Variants in PCDH15 observed in about 807,000 individuals in gnomAD.
PCDH15 encodes protocadherin related 15.
In PCDH15, 129 loss-of-function variants were observed where a neutral mutation model predicts 178.5. The observed-to-expected ratio is 0.72, with a 90% CI of 0.63 to 0.84. PCDH15 has a LOEUF of 0.84. Ranked by LOEUF, PCDH15 falls within the 40% of genes least tolerant of loss-of-function variation. The pLI, the probability that PCDH15 is intolerant of heterozygous loss-of-function variation, is 0.00. For missense variants in PCDH15, 2,230 were observed against 2,099.9 expected (o/e 1.06, Z -1.21); for synonymous variants, 800 against 732.0 (o/e 1.09, Z -1.50).
intron 1 of PCDH15, among the ~76,000 whole-genome samples, chr10:55,265,163 T>A (rs1305502910): frequency 1.3e-5 from 2 of 151,968 alleles, no homozygotes; most frequent in African/African-American, 2.4e-5. Flanking sequence ...CTCCAACAGA[T>A]GCCCAGTAAA....
intron 1 of PCDH15, among the ~76,000 whole-genome samples, chr10:55,179,885 G>A (rs956911975): frequency 2.0e-5 from 3 of 151,978 alleles, no homozygotes; most frequent in Non-Finnish European, 4.4e-5. Flanking sequence ...AACTACGGGA[G>A]TGAAAAACCT....
intron 3 of PCDH15, among the ~76,000 whole-genome samples, chr10:54,854,704 C>T (rs1953705354): frequency 6.6e-6 from 1 of 152,142 alleles, no homozygotes; most frequent in Non-Finnish European, 1.5e-5. Flanking sequence ...CTGCCCAGCT[C>T]TGGCTGATCC....
chr10:55,415,476 G>T (rs1442569377), intron 2 of PCDH15, among the ~76,000 whole-genome samples: 1 of 151,606 alleles, frequency 6.6e-6, no homozygotes, highest in Non-Finnish European at 1.5e-5. Flanking sequence ...GAGATAAAAG[G>T]ACGTTTTACA....
chr10:54,544,223 A>G (rs2085582225), intron 2 of PCDH15, among the ~76,000 whole-genome samples: 1 of 152,192 alleles, frequency 6.6e-6, no homozygotes, highest in African/African-American at 2.4e-5. Context: ...GCATATGTAC[A>G]AATGAATTAC....
intron 3 of PCDH15, among the ~76,000 whole-genome samples, chr10:54,855,752 A>G (rs960091751): frequency 1.3e-5 from 2 of 152,234 alleles, no homozygotes; most frequent in African/African-American, 4.8e-5. Context: ...GGCCCAGAAC[A>G]TTAATGTGAA....
chr10:54,157,661 G>T (rs1258852731), intron 13 of PCDH15, among the ~76,000 whole-genome samples: 1 of 152,180 alleles, frequency 6.6e-6, no homozygotes, highest in Non-Finnish European at 1.5e-5. Context: ...ATTTTTGCAG[G>T]TGGCTTTAAC....
chr10:54,256,582 GGATCA>G (rs559305166), intron 8 of PCDH15, among the ~76,000 whole-genome samples: 2 of 151,998 alleles, frequency 1.3e-5, no homozygotes, highest in Non-Finnish European at 2.9e-5. Flanking sequence ...TCTGTTTTTT[GGATCA>G]ATTTGACTTT....
chr10:54,358,475 C>G (rs1945413523), intron 5 of PCDH15, among the ~76,000 whole-genome samples: 1 of 152,150 alleles, frequency 6.6e-6, no homozygotes, highest in Non-Finnish European at 1.5e-5. Flanking sequence ...CCATCTCACA[C>G]AAGTTAGAAT....
At chr10:55,104,114 A>C (rs910894333) in intron 2 of PCDH15, among the ~76,000 whole-genome samples, 27 of 152,128 alleles carry the variant, frequency 1.8e-4, no homozygotes, top group African/African-American at 6.5e-4. Flanking sequence ...CGTTTGCATA[A>C]AACAGTAGAA....
chr10:54,754,324 G>C (rs1946769826), intron 1 of PCDH15, among the ~76,000 whole-genome samples: 1 of 152,054 alleles, frequency 6.6e-6, no homozygotes. Flanking sequence ...ATGAATTGGT[G>C]CTATTCCTGG....
chr10:53,888,291 C>CATATAT lies in PCDH15; in HGVS notation c.3501+14946_3501+14951dup, dbSNP rs71004489. On this transcript the variant is annotated intron_variant, in intron 26 of 37. Coordinates refer to ENST00000644397, the MANE Select transcript of PCDH15 (RefSeq NM_001384140.1). ...AATAAACATTCCAACACTATATATA[C>CATATAT]ATATATATATATATATATGTATATA... is the stretch of plus-strand genomic sequence containing the variant. Among the ~76,000 whole-genome samples, 127 of 48,824 alleles carry CATATAT rather than the reference C, an allele frequency of 2.6e-3. 7 individuals are homozygous for CATATAT. The highest frequency in any genetic ancestry group is 6.2e-3 in the African/African-American group (123 of 19,906). The allele number at this position is 48,824 out of a possible 152,430, so 32.0% of individuals were successfully genotyped here. A position where few individuals can be genotyped will look rare whatever the true frequency, so the allele number is the denominator to read the frequency against.
At chr10:54,024,265 A>C (rs2093015643) in intron 18 of PCDH15, among the ~76,000 whole-genome samples, 1 of 152,140 alleles carries the variant, frequency 6.6e-6, no homozygotes, top group African/African-American at 2.4e-5. Context: ...GTTCCATGTA[A>C]AAGAAACTGA....
In PCDH15 at chr10:54,669,015, C is replaced by T. The variant is rs7078158; in HGVS notation, c.-28-4725G>A. ...GTGAGAAACGTATGCTATCTACCTGCTGGAATAAAGCAAACTTCCCTTCAA... is the reference window on the plus strand; with the variant it reads ...GTGAGAAACGTATGCTATCTACCTGTTGGAATAAAGCAAACTTCCCTTCAA... On this transcript the variant is annotated intron_variant, in intron 1 of 37. Coordinates refer to ENST00000644397, the MANE Select transcript of PCDH15 (RefSeq NM_001384140.1). Among the ~76,000 whole-genome samples the T allele has an allele frequency of 6.8e-3, 1,039 of 152,262 alleles. 12 individuals are homozygous for T. Among genetic ancestry groups the T allele is most frequent in the South Asian group, 0.037 (180 of 4,832 alleles).
chr10:54,827,019 C>G (rs1446930842), intron 3 of PCDH15, among the ~76,000 whole-genome samples: 1 of 152,010 alleles, frequency 6.6e-6, no homozygotes, highest in Non-Finnish European at 1.5e-5. Flanking sequence ...CAAAAACATC[C>G]TGGTTGAACT....
intron 2 of PCDH15, among the ~76,000 whole-genome samples, chr10:55,148,694 T>C (rs1026057422): frequency 6.6e-6 from 1 of 151,770 alleles, no homozygotes; most frequent in African/African-American, 2.4e-5. Flanking sequence ...TTGGAAAATC[T>C]ATGTCATTTA....
chr10:54,664,331 A>G lies in PCDH15; in HGVS notation c.-28-41T>C, dbSNP rs887746897. 94 of 1,263,524 alleles carry G rather than the reference A, an allele frequency of 7.4e-5. No individual in the cohort carries two copies. The African/African-American group carries it at 1.2e-3, about 16-fold the overall frequency. 78.3% of individuals were successfully genotyped at this position (1,263,524 alleles called of 1,614,324 possible). On this transcript the variant is annotated intron_variant, in intron 1 of 37. Coordinates refer to ENST00000644397, the MANE Select transcript of PCDH15 (RefSeq NM_001384140.1). ...GTAGAAAGAAACATTTGACATGTTC[A>G]TTAATCTGTTATAGGTAAACACAAT... is the stretch of plus-strand genomic sequence containing the variant.
At chr10:55,428,210 T>C (rs555784825) in intron 2 of PCDH15, among the ~76,000 whole-genome samples, 21 of 152,148 alleles carry the variant, frequency 1.4e-4, no homozygotes, top group Non-Finnish European at 2.5e-4. Flanking sequence ...AAAGCATTCT[T>C]TATCCTTAAT....
intron 2 of PCDH15, among the ~76,000 whole-genome samples, chr10:55,163,944 G>A (rs556303771): frequency 6.6e-6 from 1 of 152,198 alleles, no homozygotes; most frequent in African/African-American, 2.4e-5. Flanking sequence ...TCTGCCTATG[G>A]AGTAGCAATT....
chr10:55,192,922 A>AG (rs1460090399), intron 1 of PCDH15, among the ~76,000 whole-genome samples: 7 of 151,356 alleles, frequency 4.6e-5, no homozygotes, highest in Non-Finnish European at 7.4e-5. Context: ...TAAAATATAG[A>AG]GAAAAAATAG....
Sources: allele counts gnomAD v4.1 joint callset (sites outside exome capture counted in the v4.1 genomes callset), GRCh38; gene constraint gnomAD v4.1.1; transcripts MANE v1.5; gene names NCBI Gene and HGNC (gene_info 2026-07-23, HGNC 2026-07-21).